The following TEX2 variants were observed in gnomAD, a reference collection of about 807,000 sequenced individuals.
TEX2 encodes the protein testis expressed 2.
In TEX2, 53 loss-of-function variants were observed where a neutral mutation model predicts 106.9. The ratio of observed to expected loss-of-function variants is 0.50; its 90% CI spans 0.40 to 0.62. The LOEUF (loss-of-function observed/expected upper bound fraction) is 0.62. TEX2 is among the 20% of genes least tolerant of loss of function. TEX2 has a pLI of 0.00. For missense variants in TEX2, 1,207 were observed against 1,379.0 expected (o/e 0.88, Z 1.98); for synonymous variants, 523 against 534.8 (o/e 0.98, Z 0.30).
chr17:64,229,408 C>T (rs1394232914), intron 1 of TEX2, among the ~76,000 whole-genome samples: 1 of 151,970 alleles, frequency 6.6e-6, no homozygotes, highest in Non-Finnish European at 1.5e-5. Flanking sequence ...TTTTGTTATT[C>T]ACTTCTTTAT....
At chr17:64,193,463 GCTTC>G (rs3841655) in intron 4 of TEX2, 92 bp downstream of exon 4, 117,025 of 987,856 alleles carry the variant, frequency 0.12, 8,363 homozygotes, top group African/African-American at 0.28. Flanking sequence ...TTCAGGGTGG[GCTTC>G]CTTCCTTCCT....
intron 5 of TEX2, among the ~76,000 whole-genome samples, chr17:64,180,370 G>A (rs2031805805): frequency 6.6e-6 from 1 of 152,230 alleles, no homozygotes; most frequent in Non-Finnish European, 1.5e-5. Flanking sequence ...AATGGCATAT[G>A]ATGTGGTAAA....
chr17:64,151,042 AC>A, intron 10 of TEX2, 81 bp from the exon 11 acceptor site: 3 of 1,474,886 alleles, frequency 2.0e-6, no homozygotes, highest in Non-Finnish European at 2.8e-6. Flanking sequence ...GTTCTCATTT[AC>A]ATGGGGCTTT....
chr17:64,239,509 C>G (rs1555635502), intron 1 of TEX2, among the ~76,000 whole-genome samples: 4 of 152,132 alleles, frequency 2.6e-5, no homozygotes, highest in African/African-American at 9.7e-5. Context: ...GTTTCCAACC[C>G]AAATCCACTA....
intron 1 of TEX2, among the ~76,000 whole-genome samples, chr17:64,228,275 C>T (rs553542430): frequency 6.6e-5 from 10 of 151,884 alleles, no homozygotes; most frequent in East Asian, 5.8e-4. Flanking sequence ...AATTTTTCCA[C>T]GGACCAGAGG....
intron 5 of TEX2, 97 bp from the exon 6 acceptor site, chr17:64,177,568 A>C: frequency 1.5e-6 from 2 of 1,326,252 alleles, no homozygotes; most frequent in Admixed American, 2.2e-5. Context: ...CTCCTTATAG[A>C]AACAGGAGAC....
At chr17:64,188,456 A>G in intron 4 of TEX2, 41 bp from the exon 5 acceptor site, 1 of 1,577,362 alleles carries the variant, frequency 6.3e-7, no homozygotes, top group South Asian at 1.1e-5. Flanking sequence ...CAATGAAGAA[A>G]ACAACTGCAA....
chr17:64,242,993 A>C (rs1376932094), intron 1 of TEX2, among the ~76,000 whole-genome samples: 12 of 151,452 alleles, frequency 7.9e-5, no homozygotes, highest in African/African-American at 2.9e-4. Context: ...CAGTGGCACG[A>C]TCTCAGCTGA....
Position 64,213,395 on chromosome 17 carries a change from GAGT to G in TEX2, c.820_822del (p.Thr274del). 1.2e-6 allele frequency: 2 copies of G among 1,614,006 alleles called. No homozygotes were observed. Among genetic ancestry groups the G allele is most frequent in the Non-Finnish European group, 1.7e-6 (2 of 1,180,036 alleles). On this transcript the variant is annotated inframe_deletion, in exon 2 of 12. Coordinates refer to ENST00000584379, the MANE Select transcript of TEX2 (RefSeq NM_001288732.2). The surrounding 1 kb of genome is among the most constrained non-coding windows in gnomAD (Gnocchi z 4.4). ...ATTTCGGGCACTTTAAAAAAGGAACGAGTATCAGAGGGAGAAGTCAGTGGGGAA... is the reference window on the plus strand; with the variant it reads ...ATTTCGGGCACTTTAAAAAAGGAACGATCAGAGGGAGAAGTCAGTGGGGAA...
At chr17:64,261,025 T>C (rs1356244036) in intron 1 of TEX2, among the ~76,000 whole-genome samples, 2 of 152,244 alleles carry the variant, frequency 1.3e-5, no homozygotes, top group Non-Finnish European at 2.9e-5. Flanking sequence ...TCTTTGAAGA[T>C]TCACTTTGAT....
chr17:64,261,564 GTAGACTCAAT>G (rs2034287685), intron 1 of TEX2, among the ~76,000 whole-genome samples: 1 of 152,090 alleles, frequency 6.6e-6, no homozygotes, highest in Admixed American at 6.6e-5. Context: ...TTGCTTGTCA[GTAGACTCAAT>G]TACCACCATC....
chr17:64,175,852 G>A (rs546820884), intron 6 of TEX2, among the ~76,000 whole-genome samples: 19 of 152,340 alleles, frequency 1.2e-4, no homozygotes, highest in Admixed American at 1.2e-3. Flanking sequence ...GCTGCTCAGG[G>A]AAGGGCCCCT....
chr17:64,253,873 C>A (rs149399983), intron 1 of TEX2, among the ~76,000 whole-genome samples: 1 of 152,132 alleles, frequency 6.6e-6, no homozygotes, highest in African/African-American at 2.4e-5. Flanking sequence ...AAATCTATTC[C>A]TGAAACTGTC....
intron 4 of TEX2, 59 bp downstream of exon 4, chr17:64,193,500 C>G: frequency 1.5e-6 from 2 of 1,316,420 alleles, no homozygotes; most frequent in Non-Finnish European, 2.0e-6. Flanking sequence ...GGCATTCTTT[C>G]TCTATTCTCC....
At chr17:64,233,402 T>A (rs2033699860) in intron 1 of TEX2, among the ~76,000 whole-genome samples, 1 of 151,932 alleles carries the variant, frequency 6.6e-6, no homozygotes. Flanking sequence ...TAAAACCCCA[T>A]CTCTACTAAA....
intron 1 of TEX2, among the ~76,000 whole-genome samples, chr17:64,260,402 C>T (rs2034268739): frequency 1.3e-5 from 2 of 152,192 alleles, no homozygotes; most frequent in African/African-American, 4.8e-5. Context: ...CCCTTGGCCT[C>T]AAGTAAACCT....
At chr17:64,262,315 C>T (rs1555638676) in intron 1 of TEX2, among the ~76,000 whole-genome samples, 1 of 152,210 alleles carries the variant, frequency 6.6e-6, no homozygotes, top group African/African-American at 2.4e-5. Context: ...CAGACTTTGC[C>T]CTTACATTTG....
At chr17:64,168,960 G>A (rs565326657) in intron 7 of TEX2, among the ~76,000 whole-genome samples, 89 of 143,482 alleles carry the variant, frequency 6.2e-4, no homozygotes, top group Non-Finnish European at 1.1e-3. Flanking sequence ...TCAGACTCCC[G>A]AGTAGCTGGG....
At chr17:64,220,857 A>AAGTACCCAGTACTTTGATTTATAT (rs2033339900) in intron 1 of TEX2, among the ~76,000 whole-genome samples, 1 of 152,184 alleles carries the variant, frequency 6.6e-6, no homozygotes, top group South Asian at 2.1e-4. Flanking sequence ...CTGGGTATAT[A>AAGTACCCAGTACTTTGATTTATAT]CCCAAAGGAA....
Sources: gnomAD v4.1 joint callset for allele counts (sites outside exome capture counted in the v4.1 genomes callset) on GRCh38, gnomAD v4.1.1 for gene constraint, Gnocchi (gnomAD v3.1) non-coding constraint, MANE v1.5 for transcripts, NCBI Gene and HGNC (gene_info 2026-07-23, HGNC 2026-07-21) for gene names.